Variants in ZNF44 observed in about 807,000 individuals in gnomAD.
ZNF44 encodes zinc finger protein 44, also known as gonadotropin inducible transcription repressor-2.
Under a neutral mutation model 11.7 loss-of-function variants are expected in ZNF44, and 9 were observed. The observed-to-expected ratio is 0.77, with a 90% CI of 0.46 to 1.35. The LOEUF (loss-of-function observed/expected upper bound fraction) is 1.35. Among genes scored for constraint, ZNF44 ranks in the 40% most tolerant of loss-of-function variants. The probability of loss-of-function intolerance (pLI) is 0.00; values close to 1 mark genes in which losing one functional copy is unlikely to be tolerated. For synonymous variants in ZNF44, 224 were observed against 242.7 expected, an observed-to-expected ratio of 0.92 and a Z score of 0.72; for missense variants, 696 against 743.1, an observed-to-expected ratio of 0.94 and a Z score of 0.74.
intron 5 of ZNF44, among the ~76,000 whole-genome samples, chr19:12,252,099 G>A (rs532717489): frequency 3.3e-4 from 49 of 149,362 alleles, no homozygotes; most frequent in Non-Finnish European, 5.9e-4. Context: ...GTGCATTAAA[G>A]TCCACAATGA....
chr19:12,242,487 G>T (rs1234555304), upstream of ZNF44, among the ~76,000 whole-genome samples: 2 of 148,136 alleles, frequency 1.4e-5, no homozygotes, highest in Non-Finnish European at 3.0e-5. Context: ...TCCAGCCTGG[G>T]TGACAGAGCG....
chr19:12,242,961 G>A (rs991107971), downstream of ZNF44: 2 of 152,140 alleles, frequency 1.3e-5, no homozygotes, highest in African/African-American at 4.8e-5. Flanking sequence ...ATTTCAGGAA[G>A]AAATTAAGAC....
At chr19:12,236,233 A>C (rs1916383297) in intron 1 of ZNF44, among the ~76,000 whole-genome samples, 1 of 152,208 alleles carries the variant, frequency 6.6e-6, no homozygotes, top group African/African-American at 2.4e-5. Flanking sequence ...TGTGGATTTG[A>C]GACCTGCGTC....
upstream of ZNF44, among the ~76,000 whole-genome samples, chr19:12,239,350 G>A (rs1916522056): frequency 1.3e-5 from 2 of 151,660 alleles, no homozygotes; most frequent in Admixed American, 1.3e-4. Flanking sequence ...CTGACCTCAG[G>A]TGGTCTGCCT....
chr19:12,258,215 C>A (rs28577198), intron 5 of ZNF44, among the ~76,000 whole-genome samples: 1 of 146,982 alleles, frequency 6.8e-6, no homozygotes, highest in South Asian at 2.2e-4. Context: ...CACCTGTGGT[C>A]TCAGCTTCTC....
upstream of ZNF44, among the ~76,000 whole-genome samples, chr19:12,241,050 A>C (rs1916597269): frequency 1.3e-5 from 2 of 152,232 alleles, no homozygotes; most frequent in African/African-American, 4.8e-5. Context: ...GAACTCCTAC[A>C]ACTCAACAAA....
downstream of ZNF44, among the ~76,000 whole-genome samples, chr19:12,246,200 G>A (rs1025199117): frequency 1.3e-5 from 2 of 152,112 alleles, no homozygotes; most frequent in African/African-American, 2.4e-5. Flanking sequence ...TTTAGTTCAC[G>A]TTACCCATAA....
At chr19:12,244,014 C>G (rs562861245), downstream of ZNF44, among the ~76,000 whole-genome samples, 1 of 151,944 alleles carries the variant, frequency 6.6e-6, no homozygotes, top group African/African-American at 2.4e-5. Context: ...GTTTTTACCC[C>G]TTGCAGAAAC....
At chr19:12,291,566 C>T (rs991176822) in intron 1 of ZNF44, among the ~76,000 whole-genome samples, 2 of 151,914 alleles carry the variant, frequency 1.3e-5, no homozygotes, top group African/African-American at 4.8e-5. Flanking sequence ...GGTGTGGTGG[C>T]GCACGCCTGT....
intron 1 of ZNF44, among the ~76,000 whole-genome samples, chr19:12,279,043 T>A (rs941692511): frequency 2.0e-5 from 3 of 152,208 alleles, no homozygotes; most frequent in African/African-American, 7.2e-5. Flanking sequence ...GTTTGTTTCA[T>A]CTTCTTTTTT....
exon 8 of ZNF44, chr19:12,248,487 T>C: frequency 1.5e-6 from 2 of 1,290,946 alleles, no homozygotes; most frequent in South Asian, 2.5e-5. Flanking sequence ...ATACAGTTTG[T>C]GTCTGGTGTA....
rs538047231 is a variant in ZNF44, at chr19:12,264,637, AT to A, written c.1912+7849del. ...TTAATCACTAGTCAAACTATTAATC[AT>A]TAATCATGATAAACTATAATCATTA... On this transcript the variant is annotated intron_variant and NMD_transcript_variant, in intron 5 of 7. Transcript: ENST00000393337. Among the ~76,000 whole-genome samples the A allele has an allele frequency of 1.2e-4, 19 of 152,368 alleles. No individual in the cohort carries two copies. The South Asian group carries it at 3.3e-3, about 27-fold the overall frequency.
At chr19:12,256,116 T>C (rs10409979) in intron 5 of ZNF44, among the ~76,000 whole-genome samples, 8,369 of 147,862 alleles carry the variant, frequency 0.057, 789 homozygotes, top group African/African-American at 0.2. Flanking sequence ...GCAATTTGAA[T>C]AGTCTAGAAG....
At chr19:12,287,844 A>G (rs972460924) in intron 1 of ZNF44, among the ~76,000 whole-genome samples, 1 of 152,142 alleles carries the variant, frequency 6.6e-6, no homozygotes, top group Non-Finnish European at 1.5e-5. Context: ...ATGGCTTTTC[A>G]GCATTATATG....
rs1244563990 is a variant in ZNF44 at position 12,256,049 on chromosome 19, A to C, written c.1913-5681T>G. Among the ~76,000 whole-genome samples, 13 of 150,150 alleles carry C rather than the reference A, an allele frequency of 8.7e-5. No individual in the cohort carries two copies. In the South Asian group the frequency reaches 1.5e-3, roughly 17 times the overall value. On this transcript the variant is annotated intron_variant and NMD_transcript_variant, in intron 5 of 7. Coordinates refer to the ZNF44 transcript ENST00000393337. ...CGAAACTCTGTCTCAAAAAAAAAAA[A>C]AAAAAAAAAAAAAAACAGCCTACAT... is the stretch of plus-strand genomic sequence containing the variant.
At chr19:12,278,543 CA>C (rs1299197296) in intron 1 of ZNF44, among the ~76,000 whole-genome samples, 1 of 151,986 alleles carries the variant, frequency 6.6e-6, no homozygotes, top group Non-Finnish European at 1.5e-5. Flanking sequence ...CCAGCCTGGG[CA>C]ATGTGGGGAG....
At chr19:12,293,629 A>G (rs552550308) in intron 1 of ZNF44, among the ~76,000 whole-genome samples, 1 of 152,302 alleles carries the variant, frequency 6.6e-6, no homozygotes, top group South Asian at 2.1e-4. Flanking sequence ...CGTCTTGCTG[A>G]CAAAGGGTTC....
chr19:12,244,489 A>G (rs886192885), downstream of ZNF44: 1 of 152,512 alleles, frequency 6.6e-6, no homozygotes, highest in Admixed American at 6.5e-5. Context: ...CCATTATACC[A>G]CAGGAAATAC....
intron 1 of ZNF44, among the ~76,000 whole-genome samples, chr19:12,293,961 G>C (rs1968126431): frequency 6.6e-6 from 1 of 152,162 alleles, no homozygotes; most frequent in African/African-American, 2.4e-5. Flanking sequence ...ATTGCAGTTA[G>C]ATATTAACCA....
Sources: allele counts gnomAD v4.1 joint callset (sites outside exome capture counted in the v4.1 genomes callset), GRCh38; gene constraint gnomAD v4.1.1; transcripts MANE v1.5; gene names NCBI Gene and HGNC (gene_info 2026-07-23, HGNC 2026-07-21).